ZNF148: variants seen among roughly 807,000 people sequenced by gnomAD.
ZNF148 encodes Beta-Enolase Repressor Factor-1.
Under a neutral mutation model 67.7 loss-of-function variants are expected in ZNF148, and 7 were observed. The ratio of observed to expected loss-of-function variants is 0.10; its 90% CI spans 0.06 to 0.19. The LOEUF (loss-of-function observed/expected upper bound fraction) is 0.19. Among genes scored for constraint, ZNF148 ranks in the 10% least tolerant of loss-of-function variants. The pLI, the probability that ZNF148 is intolerant of heterozygous loss-of-function variation, is 1.00. For synonymous variants in ZNF148, 333 were observed against 330.7 expected (o/e 1.01, Z -0.08); for missense variants, 583 against 947.1 (o/e 0.62, Z 5.05).
At chr3:125,330,529 T>C (rs1941244895) in intron 2 of ZNF148, among the ~76,000 whole-genome samples, 1 of 149,264 alleles carries the variant, frequency 6.7e-6, no homozygotes, top group Admixed American at 6.6e-5. Flanking sequence ...AGAGAAATTT[T>C]AGAATTTTTA....
At chr3:125,301,789 C>T (rs980943852) in intron 4 of ZNF148, among the ~76,000 whole-genome samples, 10 of 152,148 alleles carry the variant, frequency 6.6e-5, no homozygotes, top group South Asian at 2.1e-4. Flanking sequence ...TTCGGCCAGG[C>T]GCAGTGGCTC....
At chr3:125,318,064 A>G (rs1181515370) in intron 3 of ZNF148, among the ~76,000 whole-genome samples, 2 of 152,152 alleles carry the variant, frequency 1.3e-5, no homozygotes, top group African/African-American at 4.8e-5. Flanking sequence ...AATGAAAGAT[A>G]AAAGTACAAA....
intron 4 of ZNF148, among the ~76,000 whole-genome samples, chr3:125,296,955 A>G (rs182658578): frequency 1.4e-3 from 218 of 150,768 alleles, no homozygotes; most frequent in African/African-American, 3.6e-3. Context: ...ACCTACATAG[A>G]AAAAAAAACA....
At chr3:125,373,909 C>G (rs1283290292) in intron 1 of ZNF148, among the ~76,000 whole-genome samples, 4 of 152,142 alleles carry the variant, frequency 2.6e-5, no homozygotes. Context: ...TTGTGTACTG[C>G]AATCCAGGCT....
intron 7 of ZNF148, among the ~76,000 whole-genome samples, chr3:125,264,158 T>C (rs946422950): frequency 1.3e-5 from 2 of 152,202 alleles, no homozygotes; most frequent in African/African-American, 4.8e-5. Context: ...TCCTTTGTAA[T>C]AAAATGGTAA....
chr3:125,339,886 T>C (rs9825838), intron 1 of ZNF148, among the ~76,000 whole-genome samples: 12,519 of 152,204 alleles, frequency 0.082, 613 homozygotes, highest in Non-Finnish European at 0.099. Flanking sequence ...TTCAGGGTGG[T>C]ATGGCCGTAG....
rs187247056 is a variant in ZNF148 at position 125,360,858 on chromosome 3, T to C, written c.-234+14244A>G. Among the ~76,000 whole-genome samples, 186 of 148,764 alleles carry C rather than the reference T, an allele frequency of 1.3e-3. 1 individual carries two copies. Among genetic ancestry groups the C allele is most frequent in the Admixed American group, 5.1e-3 (77 of 14,976 alleles). The stretch of plus-strand genomic sequence containing the variant: ...ATTAAAATTAAAAAATTAAAAAATA[T>C]ATATATACATATATATAGAAAAGAA... On this transcript the variant is annotated intron_variant, in intron 1 of 8. Coordinates refer to ENST00000360647, the MANE Select transcript of ZNF148 (RefSeq NM_021964.3).
intron 7 of ZNF148, among the ~76,000 whole-genome samples, chr3:125,275,487 C>G (rs1938004908): frequency 6.6e-6 from 1 of 152,154 alleles, no homozygotes; most frequent in Admixed American, 6.5e-5. Context: ...CTCACAGAGG[C>G]TTGAGCTGAA....
intron 7 of ZNF148, among the ~76,000 whole-genome samples, chr3:125,274,153 C>T (rs753806792): frequency 2.6e-5 from 4 of 152,078 alleles, no homozygotes; most frequent in Non-Finnish European, 5.9e-5. Context: ...GACAAAAGTA[C>T]TTGATCCACA....
intron 1 of ZNF148, among the ~76,000 whole-genome samples, chr3:125,374,122 A>G (rs1942981778): frequency 6.6e-6 from 1 of 152,124 alleles, no homozygotes; most frequent in African/African-American, 2.4e-5. Context: ...GGTCTGCTTC[A>G]GAGGTTCTCA....
At chr3:125,283,240 T>A (rs1303775025) in intron 5 of ZNF148, among the ~76,000 whole-genome samples, 1 of 152,124 alleles carries the variant, frequency 6.6e-6, no homozygotes, top group Non-Finnish European at 1.5e-5. Flanking sequence ...AATAACCTAC[T>A]CTAACATTGT....
At chr3:125,326,789 T>C (rs1015444195) in intron 2 of ZNF148, among the ~76,000 whole-genome samples, 2 of 147,524 alleles carry the variant, frequency 1.4e-5, no homozygotes, top group Non-Finnish European at 3.0e-5. Flanking sequence ...TATACATACA[T>C]CAAGATATCT....
chr3:125,318,724 T>C (rs1940634181), intron 3 of ZNF148, among the ~76,000 whole-genome samples: 1 of 151,850 alleles, frequency 6.6e-6, no homozygotes, highest in Non-Finnish European at 1.5e-5. Context: ...CAGCTAAGAG[T>C]GAGAGGCAAT....
rs1013767185 is a variant in ZNF148, at chr3:125,366,738, C to G, written c.-234+8364G>C. Among the ~76,000 whole-genome samples, 3 of 152,290 alleles carry G rather than the reference C, an allele frequency of 2.0e-5. No individual in the cohort carries two copies. In the South Asian group the frequency reaches 6.2e-4, roughly 32 times the overall value. ...AAACCTAACTCACCATTCCCCACAT[C>G]TCCTGGGCTTCTCACCTCCAAGCCT... On this transcript the variant is annotated intron_variant, in intron 1 of 8. Transcript: ENST00000360647.
intron 5 of ZNF148, among the ~76,000 whole-genome samples, chr3:125,284,460 T>C (rs1164184537): frequency 6.6e-6 from 1 of 151,962 alleles, no homozygotes; most frequent in Non-Finnish European, 1.5e-5. Context: ...AGAAGTGAAG[T>C]GATTATAAGC....
chr3:125,329,411 G>C (rs1245469767), intron 2 of ZNF148, among the ~76,000 whole-genome samples: 2 of 146,556 alleles, frequency 1.4e-5, no homozygotes, highest in African/African-American at 5.0e-5. Flanking sequence ...GCCCAGGCTG[G>C]AGTGCAGTGG....
At chr3:125,270,587 G>A (rs1937681586) in intron 7 of ZNF148, among the ~76,000 whole-genome samples, 1 of 152,166 alleles carries the variant, frequency 6.6e-6, no homozygotes, top group African/African-American at 2.4e-5. Flanking sequence ...AAGGAAGGCA[G>A]GTTAACAAGT....
chr3:125,369,208 G>A (rs1426541818), intron 1 of ZNF148, among the ~76,000 whole-genome samples: 2 of 119,092 alleles, frequency 1.7e-5, no homozygotes, highest in Non-Finnish European at 3.2e-5. Context: ...GTTGCAGTGA[G>A]CCAAGATCAC....
At chr3:125,317,663 A>AGC (rs1278953928) in intron 3 of ZNF148, among the ~76,000 whole-genome samples, 1 of 20,218 alleles carries the variant, frequency 4.9e-5, no homozygotes, top group Admixed American at 4.0e-4. Context: ...ATATATATAT[A>AGC]GAGAGAGAGA....
Sources: gnomAD v4.1 joint callset for allele counts (sites outside exome capture counted in the v4.1 genomes callset) on GRCh38, gnomAD v4.1.1 for gene constraint, MANE v1.5 for transcripts, NCBI Gene and HGNC (gene_info 2026-07-23, HGNC 2026-07-21) for gene names.